The following TADA2A variants were observed in gnomAD, a reference collection of about 807,000 sequenced individuals.
TADA2A encodes transcriptional adaptor 2A, also known as transcriptional adapter 2-alpha.
In TADA2A, 38 loss-of-function variants were observed where a neutral mutation model predicts 67.4. The ratio of observed to expected loss-of-function variants is 0.56; its 90% CI spans 0.44 to 0.74. The LOEUF (loss-of-function observed/expected upper bound fraction) is 0.74, where lower values mean the gene tolerates loss of function less well. Ranked by LOEUF, TADA2A falls within the 30% of genes least tolerant of loss-of-function variation. The pLI, the probability that TADA2A is intolerant of heterozygous loss-of-function variation, is 0.00. For synonymous variants in TADA2A, 192 were observed against 181.6 expected (o/e 1.06, Z -0.46); for missense variants, 454 against 547.0 (o/e 0.83, Z 1.70).
intron 1 of TADA2A, among the ~76,000 whole-genome samples, chr17:37,408,892 C>T (rs1017669573): frequency 7.9e-5 from 12 of 152,148 alleles, no homozygotes; most frequent in African/African-American, 2.4e-4. Context: ...GTTGCCCACA[C>T]TTAGTGATGA....
At chr17:37,470,364 T>C in intron 12 of TADA2A, 36 bp from the exon 13 acceptor site, 3 of 1,612,560 alleles carry the variant, frequency 1.9e-6, no homozygotes, top group Non-Finnish European at 1.7e-6. Flanking sequence ...TTCTGCTGCA[T>C]TGTCATTGTG....
chr17:37,440,956 G>A (rs566004845), intron 6 of TADA2A, among the ~76,000 whole-genome samples: 10 of 152,268 alleles, frequency 6.6e-5, no homozygotes, highest in African/African-American at 4.8e-5. Context: ...TTAGCTGGAC[G>A]TGGTGGCAGA....
At chr17:37,463,463 A>G (rs1050586038) in intron 10 of TADA2A, among the ~76,000 whole-genome samples, 27 of 152,082 alleles carry the variant, frequency 1.8e-4, no homozygotes, top group Admixed American at 9.8e-4. Flanking sequence ...ATATCTAGCC[A>G]GGCATGGTGG....
chr17:37,423,788 C>T (rs560382550), intron 3 of TADA2A, among the ~76,000 whole-genome samples, 173 bp downstream of exon 3: 76 of 146,064 alleles, frequency 5.2e-4, no homozygotes, highest in African/African-American at 1.8e-3. Flanking sequence ...CTCACTCAGT[C>T]GCCCAGGCTG....
At chr17:37,472,564 TGAAG>T (rs1292666459) in intron 14 of TADA2A, among the ~76,000 whole-genome samples, 1 of 151,850 alleles carries the variant, frequency 6.6e-6, no homozygotes, top group Non-Finnish European at 1.5e-5. Flanking sequence ...CTAATTAAAA[TGAAG>T]GAACTGGGTC....
At chr17:37,426,883 A>G (rs981378767) in intron 3 of TADA2A, 67 bp from the exon 4 acceptor site, 14 of 1,459,252 alleles carry the variant, frequency 9.6e-6, no homozygotes, top group Non-Finnish European at 1.3e-5. Flanking sequence ...TGTCAGAAGA[A>G]TAACACAAAC....
At chr17:37,467,580 C>G in intron 12 of TADA2A, 55 bp downstream of exon 12, 1 of 1,392,730 alleles carries the variant, frequency 7.2e-7, no homozygotes, top group Non-Finnish European at 1.0e-6. Flanking sequence ...TCCAGACACA[C>G]AGAGGAAGTC....
rs537496770 is a variant in TADA2A at position 37,456,836 on chromosome 17, A to C, written c.605-1688A>C. 1.1e-4 allele frequency among the ~76,000 whole-genome samples: 16 copies of C among 152,348 alleles called. No individual in the cohort carries two copies. In the South Asian group the frequency reaches 3.3e-3, roughly 32 times the overall value. On this transcript the variant is annotated intron_variant, in intron 8 of 15. Transcript: ENST00000615182. The stretch of plus-strand genomic sequence containing the variant: ...TAGAACAGAATCTTTGGAACTCTGA[A>C]GATGGAAAGAGTGGCTAGGGAAAGA...
chr17:37,449,226 T>C (rs2053166355), intron 8 of TADA2A, among the ~76,000 whole-genome samples: 1 of 152,186 alleles, frequency 6.6e-6, no homozygotes, highest in African/African-American at 2.4e-5. Context: ...TTTCACCATG[T>C]TAGCCAGGAT....
chr17:37,419,440 C>T (rs2052161295), intron 2 of TADA2A, among the ~76,000 whole-genome samples: 1 of 146,318 alleles, frequency 6.8e-6, no homozygotes, highest in Admixed American at 6.9e-5. Flanking sequence ...TCCCAGAGTG[C>T]TGGAATTACG....
chr17:37,424,065 G>A (rs931232894), intron 3 of TADA2A, among the ~76,000 whole-genome samples: 16 of 151,876 alleles, frequency 1.1e-4, no homozygotes, highest in African/African-American at 3.9e-4. Flanking sequence ...TTCATTATAC[G>A]TTTTACCAGT....
At chr17:37,437,196 A>G (rs1343012543) in intron 4 of TADA2A, among the ~76,000 whole-genome samples, 3 of 145,612 alleles carry the variant, frequency 2.1e-5, no homozygotes, top group Non-Finnish European at 4.5e-5. Context: ...GGTTCATGCC[A>G]TCCTCTTGCC....
intron 7 of TADA2A, among the ~76,000 whole-genome samples, chr17:37,444,175 C>T (rs1209607563): frequency 6.7e-6 from 1 of 149,968 alleles, no homozygotes; most frequent in Non-Finnish European, 1.5e-5. Flanking sequence ...AAGAGGATCA[C>T]TTGAGCCTGG....
chr17:37,474,439 G>A (rs2053852493), intron 14 of TADA2A, 117 bp from the exon 15 acceptor site: 1 of 886,476 alleles, frequency 1.1e-6, no homozygotes, highest in Non-Finnish European at 1.7e-6. Context: ...GATTTCCTAA[G>A]CTGGATATAG....
At chr17:37,418,437 G>T (rs1408131396) in intron 2 of TADA2A, among the ~76,000 whole-genome samples, 4 of 152,060 alleles carry the variant, frequency 2.6e-5, no homozygotes, top group African/African-American at 9.7e-5. Context: ...TCCCTAGGGG[G>T]GAGTTGAGTA....
chr17:37,432,589 A>G (rs1031752068), intron 4 of TADA2A, among the ~76,000 whole-genome samples: 6 of 152,162 alleles, frequency 3.9e-5, no homozygotes, highest in Non-Finnish European at 7.3e-5. Flanking sequence ...TTTTTTATCC[A>G]TTCTCCCTTT....
intron 8 of TADA2A, among the ~76,000 whole-genome samples, chr17:37,458,024 A>G (rs1031246572): frequency 1.3e-5 from 2 of 152,160 alleles, no homozygotes; most frequent in Non-Finnish European, 2.9e-5. Context: ...TGCATCATCC[A>G]GGTATTAAGC....
intron 10 of TADA2A, among the ~76,000 whole-genome samples, chr17:37,463,891 C>T (rs864083): frequency 0.73 from 110,079 of 151,768 alleles, 40,538 homozygotes; most frequent in East Asian, 0.97. Context: ...AGGCGGAGGT[C>T]GCAGTGAGCC....
intron 14 of TADA2A, among the ~76,000 whole-genome samples, chr17:37,473,165 G>T (rs1006120349): frequency 1.4e-4 from 19 of 133,438 alleles, no homozygotes; most frequent in African/African-American, 5.2e-4. Context: ...TAGAAACAAG[G>T]TCTTACTATA....
Sources: allele counts gnomAD v4.1 joint callset (sites outside exome capture counted in the v4.1 genomes callset), GRCh38; gene constraint gnomAD v4.1.1; transcripts MANE v1.5; gene names NCBI Gene and HGNC (gene_info 2026-07-23, HGNC 2026-07-21).